The following TNRC6A variants were observed in gnomAD, a reference collection of about 807,000 sequenced individuals.
TNRC6A encodes the protein trinucleotide repeat-containing gene 6A protein.
Under a neutral mutation model 221.2 loss-of-function variants are expected in TNRC6A, and 44 were observed. The observed-to-expected ratio is 0.20, with a 90% CI of 0.16 to 0.26. The LOEUF (loss-of-function observed/expected upper bound fraction) is 0.26, where lower values mean the gene tolerates loss of function less well. Ranked by LOEUF, TNRC6A falls within the 10% of genes least tolerant of loss-of-function variation. TNRC6A has a pLI of 1.00. For missense variants in TNRC6A, 2,199 were observed against 2,404.4 expected, an observed-to-expected ratio of 0.91 and a Z score of 1.79; for synonymous variants, 847 against 838.5, an observed-to-expected ratio of 1.01 and a Z score of -0.18.
At chr16:24,615,102 G>T (rs1310410200) in intron 1 of TNRC6A, among the ~76,000 whole-genome samples, 1 of 152,106 alleles carries the variant, frequency 6.6e-6, no homozygotes, top group African/African-American at 2.4e-5. Flanking sequence ...TAAATTAATT[G>T]CAGGGGAGAT....
Position 24,804,337 on chromosome 16 carries a change from T to C in TNRC6A, c.3837+18T>C, listed in dbSNP as rs2058387024. ...TTGATAAGGTAAGGTTTTTTACTTT[T>C]ACCTCTGACTTGATAAACCAGTATA... On this transcript the variant is annotated intron_variant, in intron 12 of 24. Transcript: ENST00000395799. The C allele has an allele frequency of 6.2e-7, 1 of 1,606,816 alleles. No individual in the cohort carries two copies.
chr16:24,722,430 CT>C (rs2056425865), intron 2 of TNRC6A, among the ~76,000 whole-genome samples: 1 of 24,896 alleles, frequency 4.0e-5, no homozygotes, highest in Admixed American at 4.9e-4. Context: ...TATTTATTTA[CT>C]TATTTATTTA....
intron 10 of TNRC6A, 72 bp from the exon 11 acceptor site, chr16:24,797,843 A>G (rs2058250787): frequency 7.3e-7 from 1 of 1,376,420 alleles, no homozygotes; most frequent in Non-Finnish European, 1.0e-6. Flanking sequence ...AAACACAGTA[A>G]AATTCTTCAT....
intron 2 of TNRC6A, among the ~76,000 whole-genome samples, chr16:24,649,113 T>C (rs1368371055): frequency 6.6e-6 from 1 of 151,824 alleles, no homozygotes; most frequent in South Asian, 2.1e-4. Context: ...AGACCCTGTC[T>C]CTACTGAAAA....
At chr16:24,651,538 C>CAAAAAAAA (rs768568973) in intron 2 of TNRC6A, among the ~76,000 whole-genome samples, 2 of 48,772 alleles carry the variant, frequency 4.1e-5, no homozygotes, top group African/African-American at 6.4e-5. Context: ...AACTCCATCT[C>CAAAAAAAA]AAAAAAAAAA....
chr16:24,815,506 T>C, intron 19 of TNRC6A: 3 of 607,194 alleles, frequency 4.9e-6, no homozygotes, highest in Non-Finnish European at 8.8e-6. Flanking sequence ...CCTATGCCTT[T>C]ATGCTCAAGC....
At chr16:24,699,866 A>G (rs2055935654) in intron 2 of TNRC6A, among the ~76,000 whole-genome samples, 1 of 152,134 alleles carries the variant, frequency 6.6e-6, no homozygotes, top group African/African-American at 2.4e-5. Flanking sequence ...ATTAATTTCC[A>G]TTTTACAGAT....
chr16:24,715,491 C>T (rs2056295082), intron 2 of TNRC6A, among the ~76,000 whole-genome samples: 1 of 152,032 alleles, frequency 6.6e-6, no homozygotes, highest in Non-Finnish European at 1.5e-5. Context: ...CTGTGAATTA[C>T]AAGGTTTTCT....
intron 17 of TNRC6A, 94 bp from the exon 18 acceptor site, chr16:24,809,256 T>TA (rs2058495416): frequency 1.8e-6 from 2 of 1,128,124 alleles, no homozygotes. Context: ...TTGAAAACAT[T>TA]AGTTACATGT....
intron 2 of TNRC6A, among the ~76,000 whole-genome samples, chr16:24,738,084 C>T (rs111583953): frequency 1.4e-3 from 213 of 152,316 alleles, no homozygotes; most frequent in African/African-American, 4.8e-3. Flanking sequence ...CCTCGAGCCA[C>T]GTTTCTGAGG....
chr16:24,632,957 C>T (rs1041345209), intron 1 of TNRC6A, among the ~76,000 whole-genome samples: 3 of 148,440 alleles, frequency 2.0e-5, no homozygotes, highest in Non-Finnish European at 4.4e-5. Flanking sequence ...TGCAGTGAGT[C>T]GAGATTGCGC....
Position 24,794,610 on chromosome 16 carries a change from G to A in TNRC6A, c.3419G>A (p.Gly1140Asp). The A allele has an allele frequency of 6.2e-7, 1 of 1,614,042 alleles. No homozygotes were observed. Among genetic ancestry groups the A allele is most frequent in the South Asian group, 1.1e-5 (1 of 91,072 alleles). The part of the protein sequence containing the change: ...DMPLPGNRPT[G>D]WEEEEDVEIG... Reference sequence around the variant, plus strand: ...CCATTGCCTGGAAATCGCCCCACTGGCTGGGAAGAGGAAGAGGATGTGGAG... The same window carrying A: ...CCATTGCCTGGAAATCGCCCCACTGACTGGGAAGAGGAAGAGGATGTGGAG... The change falls in exon 8 of 25, where the codon GGC becomes GAC. Residue 1140 changes from glycine to aspartate, a missense_variant. Gly to Asp is a moderately conservative substitution (Grantham distance 94). Around this residue, in one of 8 missense-constraint regions of TNRC6A, gnomAD observed 1,405 missense variants for 1,400.2 expected, o/e 1.00. Transcript: ENST00000395799.
chr16:24,707,141 G>A (rs957226157), intron 2 of TNRC6A, among the ~76,000 whole-genome samples: 4 of 151,934 alleles, frequency 2.6e-5, no homozygotes, highest in African/African-American at 9.7e-5. Flanking sequence ...GGCCACAGGT[G>A]CATGCCACCA....
chr16:24,754,254 A>T (rs1489947023), intron 3 of TNRC6A, among the ~76,000 whole-genome samples: 1 of 152,162 alleles, frequency 6.6e-6, no homozygotes, highest in Non-Finnish European at 1.5e-5. Flanking sequence ...GACGAGCCTT[A>T]CAACGATATT....
Position 24,739,906 on chromosome 16 carries a change from T to G in TNRC6A, c.53+9606T>G, listed in dbSNP as rs1162855361. ...ATCCAAGGTCACAAAGATTTACTTG[T>G]ATTCTAATAATTTTATAGTTTTAGT... On this transcript the variant is annotated intron_variant, in intron 2 of 24. Coordinates refer to ENST00000395799, the MANE Select transcript of TNRC6A (RefSeq NM_014494.4). Among the ~76,000 whole-genome samples the G allele has an allele frequency of 2.6e-5, 4 of 152,254 alleles. No homozygotes were observed. The East Asian group carries it at 7.7e-4, about 29-fold the overall frequency.
chr16:24,677,999 G>A lies in TNRC6A; in HGVS notation n.402+36990G>A, dbSNP rs79360553. 2.3e-3 allele frequency among the ~76,000 whole-genome samples: 351 copies of A among 152,080 alleles called. 5 individuals are homozygous for A. The East Asian group carries it at 0.052, about 23-fold the overall frequency. ...ATGACGTGAGTGTGGGCTGGATGTA[G>A]TGTAACACTTCTAATAAATAGAATA... On this transcript the variant is annotated intron_variant and non_coding_transcript_variant, in intron 2 of 2. Transcript: ENST00000566108.
chr16:24,735,633 G>T (rs1406624652), intron 2 of TNRC6A, among the ~76,000 whole-genome samples: 1 of 152,130 alleles, frequency 6.6e-6, no homozygotes, highest in Non-Finnish European at 1.5e-5. Flanking sequence ...ACAACCCTCT[G>T]TGGAAAATTT....
chr16:24,654,459 C>T (rs1299069934), intron 2 of TNRC6A, among the ~76,000 whole-genome samples: 1 of 152,178 alleles, frequency 6.6e-6, no homozygotes, highest in Admixed American at 6.5e-5. Context: ...AATCCCAGCA[C>T]TTTGGGAAGC....
At chr16:24,703,194 C>T (rs886969346) in intron 2 of TNRC6A, among the ~76,000 whole-genome samples, 3 of 151,912 alleles carry the variant, frequency 2.0e-5, no homozygotes, top group African/African-American at 7.3e-5. Flanking sequence ...CTATCACCCC[C>T]ATCTCCTGAT....
Sources: gnomAD v4.1 joint callset for allele counts (sites outside exome capture counted in the v4.1 genomes callset) on GRCh38, gnomAD v4.1.1 for gene constraint, gnomAD v4.1.1 regional missense constraint, MANE v1.5 for transcripts, NCBI Gene and HGNC (gene_info 2026-07-23, HGNC 2026-07-21) for gene names.